Variants in MGAT4C observed in about 807,000 individuals in gnomAD.
MGAT4C encodes MGAT4 family member C, also known as alpha-1,3-mannosyl-glycoprotein 4-beta-N-acetylglucosaminyltransferase C.
In MGAT4C, 19 loss-of-function variants were observed where a neutral mutation model predicts 40.1. The observed-to-expected ratio is 0.47, with a 90% CI of 0.33 to 0.70. The LOEUF (loss-of-function observed/expected upper bound fraction) is 0.70, where lower values mean the gene tolerates loss of function less well. MGAT4C is among the 30% of genes least tolerant of loss of function. The probability of loss-of-function intolerance (pLI) is 0.02; values close to 1 mark genes in which losing one functional copy is unlikely to be tolerated. For missense variants in MGAT4C, 491 were observed against 563.2 expected, an observed-to-expected ratio of 0.87 and a Z score of 1.30; for synonymous variants, 181 against 187.1, an observed-to-expected ratio of 0.97 and a Z score of 0.27.
chr12:86,302,995 A>G (rs780450264), intron 4 of MGAT4C, among the ~76,000 whole-genome samples: 7 of 150,658 alleles, frequency 4.6e-5, no homozygotes, highest in Non-Finnish European at 1.0e-4. Flanking sequence ...TTGTGAAGAC[A>G]TGAGGTTCTT....
intron 2 of MGAT4C, among the ~76,000 whole-genome samples, chr12:86,504,881 T>A (rs993538583): frequency 2.0e-5 from 3 of 152,130 alleles, no homozygotes; most frequent in Non-Finnish European, 4.4e-5. Flanking sequence ...TCTCTTAACC[T>A]AGTGATCTGC....
At chr12:86,544,874 T>G (rs1959185107) in intron 2 of MGAT4C, among the ~76,000 whole-genome samples, 1 of 152,082 alleles carries the variant, frequency 6.6e-6, no homozygotes, top group South Asian at 2.1e-4. Context: ...ACATTATTCT[T>G]AGAGATATGA....
intron 1 of MGAT4C, among the ~76,000 whole-genome samples, chr12:86,827,841 TA>T (rs1179694963): frequency 6.6e-6 from 1 of 151,358 alleles, no homozygotes; most frequent in African/African-American, 2.4e-5. Context: ...CATAAGTAAA[TA>T]AATAAGTGGA....
At chr12:86,029,325 T>C (rs1382759704) in intron 2 of MGAT4C, among the ~76,000 whole-genome samples, 1 of 151,934 alleles carries the variant, frequency 6.6e-6, no homozygotes, top group Non-Finnish European at 1.5e-5. Context: ...AGGCTGGATC[T>C]ACTCTCACGA....
intron 2 of MGAT4C, among the ~76,000 whole-genome samples, chr12:86,576,307 C>A (rs1960556841): frequency 6.6e-6 from 1 of 151,794 alleles, no homozygotes; most frequent in Non-Finnish European, 1.5e-5. Context: ...TGATTATATC[C>A]TTTGCTGTGC....
intron 1 of MGAT4C, among the ~76,000 whole-genome samples, chr12:86,197,975 A>G (rs533972715): frequency 1.8e-4 from 28 of 152,184 alleles, no homozygotes; most frequent in Admixed American, 3.9e-4. Flanking sequence ...AAATATGTCA[A>G]TGAAAATATT....
At chr12:86,451,151 C>G (rs1471063037) in intron 2 of MGAT4C, among the ~76,000 whole-genome samples, 1 of 152,018 alleles carries the variant, frequency 6.6e-6, no homozygotes, top group African/African-American at 2.4e-5. Context: ...AATGGTTTAG[C>G]ACCATTCCTG....
intron 2 of MGAT4C, among the ~76,000 whole-genome samples, chr12:86,473,937 A>G (rs1234167824): frequency 6.6e-6 from 1 of 152,158 alleles, no homozygotes; most frequent in African/African-American, 2.4e-5. Flanking sequence ...AGAAGTTTCT[A>G]TCAATGGATA....
intron 1 of MGAT4C, among the ~76,000 whole-genome samples, chr12:86,118,467 T>C (rs1289449019): frequency 6.6e-6 from 1 of 152,140 alleles, no homozygotes; most frequent in African/African-American, 2.4e-5. Flanking sequence ...AAACATTCTG[T>C]GAATGTCAGC....
chr12:86,715,647 G>A (rs1234466675), intron 2 of MGAT4C, among the ~76,000 whole-genome samples: 2 of 152,082 alleles, frequency 1.3e-5, no homozygotes, highest in Non-Finnish European at 2.9e-5. Context: ...AGGCTCTTAA[G>A]CATTATTCTT....
At chr12:86,612,107 C>T (rs1962301564) in intron 2 of MGAT4C, among the ~76,000 whole-genome samples, 1 of 152,078 alleles carries the variant, frequency 6.6e-6, no homozygotes, top group South Asian at 2.1e-4. Context: ...ACCTATTTGT[C>T]CAATCAGCCT....
chr12:85,993,546 G>C (rs1223027159), intron 2 of MGAT4C, among the ~76,000 whole-genome samples: 9 of 152,188 alleles, frequency 5.9e-5, no homozygotes, highest in Admixed American at 5.9e-4. Flanking sequence ...GGCTGGAGGG[G>C]CCTTGGTGAA....
chr12:86,728,458 A>G lies in MGAT4C; in HGVS notation c.-261-1217T>C, dbSNP rs1435687645. Among the ~76,000 whole-genome samples the G allele has an allele frequency of 3.3e-5, 5 of 152,334 alleles. No individual in the cohort carries two copies. The East Asian group carries it at 7.7e-4, about 23-fold the overall frequency. On this transcript the variant is annotated intron_variant, in intron 1 of 7. Transcript: ENST00000548651. The stretch of plus-strand genomic sequence containing the variant: ...GTAATCCCAGCACTTTAGGAGTCTG[A>G]GGCTGGTGAATTACCGGAGGTCAGC...
At chr12:86,833,115 G>C (rs1369336207) in intron 1 of MGAT4C, among the ~76,000 whole-genome samples, 3 of 151,778 alleles carry the variant, frequency 2.0e-5, no homozygotes, top group Non-Finnish European at 4.4e-5. Flanking sequence ...AGACTATCTT[G>C]TGCCATAAAA....
At chr12:86,556,592 G>A (rs1959622498) in intron 2 of MGAT4C, among the ~76,000 whole-genome samples, 1 of 152,068 alleles carries the variant, frequency 6.6e-6, no homozygotes, top group Non-Finnish European at 1.5e-5. Flanking sequence ...TACCCAAAAT[G>A]AGGCTTACAT....
At chr12:86,273,961 A>C (rs1432110796) in intron 4 of MGAT4C, among the ~76,000 whole-genome samples, 2 of 152,204 alleles carry the variant, frequency 1.3e-5, no homozygotes, top group African/African-American at 4.8e-5. Flanking sequence ...AAAGAGGCTT[A>C]ACTGGTTGAC....
intron 1 of MGAT4C, among the ~76,000 whole-genome samples, chr12:86,243,181 C>T (rs993107020): frequency 6.6e-6 from 1 of 152,198 alleles, no homozygotes; most frequent in African/African-American, 2.4e-5. Context: ...CTGGCCATCT[C>T]ATCTGGCTCC....
chr12:86,782,205 G>A (rs1418251912), intron 1 of MGAT4C, among the ~76,000 whole-genome samples: 1 of 103,656 alleles, frequency 9.6e-6, no homozygotes, highest in Non-Finnish European at 1.9e-5. Flanking sequence ...TTTTTGAGAC[G>A]GAGTCTCGCT....
intron 1 of MGAT4C, among the ~76,000 whole-genome samples, chr12:86,221,916 T>C (rs1309437874): frequency 6.6e-6 from 1 of 152,242 alleles, no homozygotes; most frequent in East Asian, 1.9e-4. Context: ...AACAACACTA[T>C]ATACATGCAC....
Sources: gnomAD v4.1 joint callset for allele counts (sites outside exome capture counted in the v4.1 genomes callset) on GRCh38, gnomAD v4.1.1 for gene constraint, MANE v1.5 for transcripts, NCBI Gene and HGNC (gene_info 2026-07-23, HGNC 2026-07-21) for gene names.